The following ATAD3B variants were observed in gnomAD, a reference collection of about 807,000 sequenced individuals.
ATAD3B encodes the protein ATPase family AAA domain-containing protein 3B.
A neutral mutation model predicts 70.2 loss-of-function variants in ATAD3B; 59 were observed. The observed-to-expected ratio is 0.84, with a 90% CI of 0.68 to 1.04. The LOEUF (loss-of-function observed/expected upper bound fraction) is 1.04, where lower values mean the gene tolerates loss of function less well. ATAD3B is among the 50% of genes least tolerant of loss of function. ATAD3B has a pLI of 0.00. For missense variants in ATAD3B, 961 were observed against 913.4 expected (o/e 1.05, Z -0.67); for synonymous variants, 423 against 388.6 (o/e 1.09, Z -1.04).
chr1:1,493,977 G>A (rs1640655350), intron 15 of ATAD3B, among the ~76,000 whole-genome samples: 1 of 151,966 alleles, frequency 6.6e-6, no homozygotes, highest in Non-Finnish European at 1.5e-5. Context: ...AAGAGTTTGA[G>A]GAGTGGTACT....
chr1:1,489,693 C>A, intron 13 of ATAD3B: 1 of 1,316,334 alleles, frequency 7.6e-7, no homozygotes. Flanking sequence ...CCCCTCCAGC[C>A]CCAGTCACGT....
chr1:1,487,460 C>T (rs1382040663), intron 11 of ATAD3B, among the ~76,000 whole-genome samples: 1 of 151,008 alleles, frequency 6.6e-6, no homozygotes, highest in Non-Finnish European at 1.5e-5. Context: ...TGCACTCCAG[C>T]CTGGGAGACA....
chr1:1,505,215 C>T, the ATAD3B span, among the ~76,000 whole-genome samples: 1 of 152,048 alleles, frequency 6.6e-6, no homozygotes, highest in South Asian at 2.1e-4. Context: ...GGTCACGTGT[C>T]CACTGGACGG....
chr1:1,482,220 C>A lies in ATAD3B; in HGVS notation c.597C>A (p.Ala199=), dbSNP rs544884479. ...VETEARARAK[A]ERENADIIRE... ...CCGAGGCCCGGGCGCGCGCCAAGGC[C>A]GAGCGGGAGAATGCAGACATCATCC... Residue 199 remains alanine, a synonymous_variant, in exon 6 of 16, where the codon GCC becomes GCA. Coordinates refer to ENST00000673477, the MANE Select transcript of ATAD3B (RefSeq NM_031921.6). 1.2e-6 allele frequency: 2 copies of A among 1,611,164 alleles called. No individual in the cohort carries two copies. The highest frequency in any genetic ancestry group is 1.7e-6 in the Non-Finnish European group (2 of 1,179,312).
At chr1:1,488,311 G>C (rs1043385958) in intron 12 of ATAD3B, among the ~76,000 whole-genome samples, 1 of 151,792 alleles carries the variant, frequency 6.6e-6, no homozygotes, top group Admixed American at 6.6e-5. Flanking sequence ...GTGCAGGGGC[G>C]ACATCTCCAG....
rs1640829835 is a variant in ATAD3B, at chr1:1,497,545, C to A, written c.*1728C>A. 6.6e-6 allele frequency: 1 copy of A among 150,878 alleles called. No individual in the cohort carries two copies. 9.3% of individuals were successfully genotyped at this position (150,878 alleles called of 1,614,324 possible). Reference sequence around the variant, plus strand: ...TTAAAGGAATTGCCTAAATCTTAAACCAGCAATCAATACTTTGTATTTAAA... The same window carrying A: ...TTAAAGGAATTGCCTAAATCTTAAAACAGCAATCAATACTTTGTATTTAAA... On this transcript the variant is annotated 3_prime_UTR_variant, in exon 16 of 16. Coordinates refer to ENST00000673477, the MANE Select transcript of ATAD3B (RefSeq NM_031921.6).
rs556264346 is a variant in ATAD3B at position 1,489,410 on chromosome 1, G to A, written c.1337+136G>A. 174 of 1,472,102 alleles carry A rather than the reference G, an allele frequency of 1.2e-4. 3 individuals carry two copies. The Middle Eastern group carries it at 1.7e-3, about 14-fold the overall frequency. 91.2% of individuals were successfully genotyped at this position (1,472,102 alleles called of 1,614,324 possible). ...GTGTGCCCACCTCAGATGTCCCCTG[G>A]GAACGGCCCAGCTCGGGACAGCACG... On this transcript the variant is annotated intron_variant, in intron 13 of 15. Transcript: ENST00000673477.
chr1:1,503,710 G>A, the ATAD3B span: 22 of 1,602,338 alleles, frequency 1.4e-5, no homozygotes, highest in Admixed American at 1.2e-4. Flanking sequence ...CATGGGGTTC[G>A]GGCATGGAGA....
intron 1 of ATAD3B, among the ~76,000 whole-genome samples, chr1:1,476,127 G>T (rs1280704291): frequency 1.4e-5 from 2 of 142,890 alleles, no homozygotes; most frequent in African/African-American, 2.9e-5. Context: ...TGAGAGGCAG[G>T]TCCCGGTCTC....
downstream of ATAD3B, among the ~76,000 whole-genome samples, chr1:1,501,546 T>C (rs566572117): frequency 1.7e-4 from 26 of 152,040 alleles, no homozygotes; most frequent in East Asian, 3.5e-3. Flanking sequence ...TGAGCCACCG[T>C]GCCCGGCCTA....
the ATAD3B span, chr1:1,503,683 G>T: frequency 1.2e-6 from 2 of 1,610,218 alleles, no homozygotes; most frequent in South Asian, 2.2e-5. Flanking sequence ...CGGTGTGGGT[G>T]GGGAGGCCGG....
In ATAD3B at chr1:1,496,191, A is replaced by T; in HGVS notation, c.*374A>T. ...GTGTGTGTTTATCTAATAAAGTCCC[A>T]CAGGTGCCTCACCGCCGTGTCTCTC... is the stretch of plus-strand genomic sequence containing the variant. On this transcript the variant is annotated 3_prime_UTR_variant, in exon 16 of 16. Coordinates refer to ENST00000673477, the MANE Select transcript of ATAD3B (RefSeq NM_031921.6). 1 of 1,025,326 alleles carries T rather than the reference A, an allele frequency of 9.8e-7. No homozygotes were observed. Among genetic ancestry groups the T allele is most frequent in the Non-Finnish European group, 1.2e-6 (1 of 855,718 alleles). The allele number at this position is 1,025,326 out of a possible 1,614,324, so 63.5% of individuals were successfully genotyped here.
chr1:1,482,469 C>G, intron 6 of ATAD3B, 76 bp from the exon 7 acceptor site: 1 of 1,610,594 alleles, frequency 6.2e-7, no homozygotes, highest in Non-Finnish European at 8.5e-7. Context: ...ATGTCAGGGC[C>G]TCACCCTCAA....
chr1:1,474,657 A>G (rs1435976411), intron 1 of ATAD3B, among the ~76,000 whole-genome samples: 1 of 151,684 alleles, frequency 6.6e-6, no homozygotes, highest in Non-Finnish European at 1.5e-5. Flanking sequence ...CCGCCAGCAC[A>G]CCTGGCTAAT....
the ATAD3B span, among the ~76,000 whole-genome samples, chr1:1,507,765 T>C: frequency 6.6e-6 from 1 of 152,236 alleles, no homozygotes; most frequent in Non-Finnish European, 1.5e-5. Flanking sequence ...TGATTCTTAA[T>C]GTTTTGTGAA....
intron 4 of ATAD3B, 84 bp from the exon 5 acceptor site, chr1:1,480,783 C>G (rs1287495265): frequency 1.3e-6 from 2 of 1,579,796 alleles, no homozygotes; most frequent in Non-Finnish European, 1.7e-6. Flanking sequence ...TTCTGTGGTC[C>G]TGGGGCGGAC....
At chr1:1,481,268 G>A (rs1194127037) in intron 5 of ATAD3B, among the ~76,000 whole-genome samples, 1 of 92,022 alleles carries the variant, frequency 1.1e-5, no homozygotes, top group Non-Finnish European at 1.9e-5. Context: ...TGCCTCCCAG[G>A]TTTAAGCAAT....
chr1:1,473,644 C>T (rs1167093826), intron 1 of ATAD3B, among the ~76,000 whole-genome samples: 10 of 151,188 alleles, frequency 6.6e-5, no homozygotes, highest in Admixed American at 1.3e-4. Context: ...TACAGGCACG[C>T]GCCACCACGC....
chr1:1,474,486 G>A lies in ATAD3B; in HGVS notation c.205+2397G>A, dbSNP rs951897532. Among the ~76,000 whole-genome samples the A allele has an allele frequency of 2.6e-4, 39 of 150,340 alleles. 1 individual carries two copies. Among genetic ancestry groups the A allele is most frequent in the African/African-American group, 6.4e-4 (26 of 40,762 alleles). On this transcript the variant is annotated intron_variant, in intron 1 of 15. Coordinates refer to ENST00000673477, the MANE Select transcript of ATAD3B (RefSeq NM_031921.6). ...ATTACAGACGTGAGCCACCGCGCCC[G>A]GCTTTGCTCCGTAATTTTTCTGTGT...
Sources: allele counts gnomAD v4.1 joint callset (sites outside exome capture counted in the v4.1 genomes callset), GRCh38; gene constraint gnomAD v4.1.1; transcripts MANE v1.5; gene names NCBI Gene and HGNC (gene_info 2026-07-23, HGNC 2026-07-21).